IFT88: variants seen among roughly 807,000 people sequenced by gnomAD.
IFT88 encodes intraflagellar transport 88.
IFT88 carries 74 observed loss-of-function variants against 119.5 expected under a neutral mutation model. The ratio of observed to expected loss-of-function variants is 0.62; its 90% confidence interval spans 0.51 to 0.75. IFT88 has a LOEUF of 0.75. Among genes scored for constraint, IFT88 ranks in the 30% least tolerant of loss-of-function variants. IFT88 has a pLI of 0.00. For missense variants in IFT88, 961 were observed against 977.7 expected, an observed-to-expected ratio of 0.98 and a Z score of 0.23; for synonymous variants, 279 against 316.7, an observed-to-expected ratio of 0.88 and a Z score of 1.26.
chr13:20,677,958 G>A (rs1048682477), intron 24 of IFT88, among the ~76,000 whole-genome samples: 1 of 152,090 alleles, frequency 6.6e-6, no homozygotes, highest in African/African-American at 2.4e-5. Flanking sequence ...AAACTAATAG[G>A]GGCAGTTGAT....
At chr13:20,587,252 TGC>T (rs906236884) in intron 3 of IFT88, among the ~76,000 whole-genome samples, 24 of 149,424 alleles carry the variant, frequency 1.6e-4, no homozygotes, top group African/African-American at 5.8e-4. Context: ...GTTTGCCTAC[TGC>T]TTTTTTTTTT....
intron 3 of IFT88, among the ~76,000 whole-genome samples, chr13:20,585,332 C>A (rs2039469892): frequency 6.6e-6 from 1 of 152,170 alleles, no homozygotes; most frequent in Non-Finnish European, 1.5e-5. Flanking sequence ...ACAGTTTAAT[C>A]ATGGGAAAGA....
chr13:20,610,208 T>C (rs1456736614), intron 13 of IFT88, among the ~76,000 whole-genome samples: 1 of 151,946 alleles, frequency 6.6e-6, no homozygotes, highest in Admixed American at 6.6e-5. Context: ...GAGAGGTGAC[T>C]GGCCCCCCAC....
intron 3 of IFT88, 30 bp downstream of exon 3, chr13:20,583,049 G>A: frequency 7.3e-7 from 1 of 1,374,244 alleles, no homozygotes; most frequent in Non-Finnish European, 1.0e-6. Flanking sequence ...TTTAAATTGT[G>A]GTAAAAAATA....
At chr13:20,597,185 C>G (rs1346052749) in intron 9 of IFT88, 66 bp downstream of exon 9, 3 of 734,358 alleles carry the variant, frequency 4.1e-6, no homozygotes, top group South Asian at 4.5e-5. Context: ...GTTCCAGAGT[C>G]TTTTTTCTTT....
intron 23 of IFT88, among the ~76,000 whole-genome samples, chr13:20,664,806 A>G (rs559851180): frequency 1.5e-4 from 23 of 152,306 alleles, no homozygotes; most frequent in Middle Eastern, 3.4e-3. Context: ...GAGACTGGGC[A>G]CGGTGGCTCA....
chr13:20,626,686 G>T (rs1052182442), intron 15 of IFT88, among the ~76,000 whole-genome samples: 1 of 152,170 alleles, frequency 6.6e-6, no homozygotes, highest in African/African-American at 2.4e-5. Flanking sequence ...GCTTGGGTGG[G>T]GGGTAGAGTG....
At chr13:20,621,567 A>T (rs1424547877) in intron 14 of IFT88, among the ~76,000 whole-genome samples, 6 of 149,136 alleles carry the variant, frequency 4.0e-5, no homozygotes, top group Non-Finnish European at 6.0e-5. Flanking sequence ...AGACTTTTTT[A>T]AAAAAGTAAA....
At chr13:20,677,619 G>A (rs565372835) in intron 24 of IFT88, among the ~76,000 whole-genome samples, 60 of 152,230 alleles carry the variant, frequency 3.9e-4, no homozygotes, top group African/African-American at 1.4e-3. Context: ...GCCTCCTAAA[G>A]GTCCCAAAGT....
At chr13:20,568,244 T>C (rs371948561) in intron 1 of IFT88, among the ~76,000 whole-genome samples, 6 of 152,194 alleles carry the variant, frequency 3.9e-5, no homozygotes, top group African/African-American at 1.4e-4. Flanking sequence ...ATCCCCAGAT[T>C]ATTTCAACAT....
intron 22 of IFT88, among the ~76,000 whole-genome samples, chr13:20,659,239 A>G (rs547004173): frequency 6.6e-6 from 1 of 152,334 alleles, no homozygotes; most frequent in East Asian, 1.9e-4. Flanking sequence ...CATGTCTGTA[A>G]TCTCCACACT....
rs9509307 is a variant in IFT88, at chr13:20,631,053, G to A, written c.1337G>A (p.Ser446Asn). ...EILKVLEKKD[S>N]RVKSAAATNL... ...TTAAAAGTGTTGGAAAAAAAGGACA[G>A]TAGAGTGAAAAGTGCAGCTGCAACC... Residue 446 changes from serine (S) to asparagine (N), a missense_variant, in exon 16 of 26, where the codon AGT becomes AAT. Coordinates refer to ENST00000351808, the MANE Select transcript of IFT88 (RefSeq NM_006531.5). 0.74 allele frequency: 1,186,742 copies of A among 1,601,714 alleles called. 444,969 individuals are homozygous for A. Among genetic ancestry groups the A allele is most frequent in the East Asian group, 1 (44,705 of 44,818 alleles).
chr13:20,689,188 T>G (rs368234574), intron 24 of IFT88, among the ~76,000 whole-genome samples: 1 of 152,168 alleles, frequency 6.6e-6, no homozygotes, highest in East Asian at 1.9e-4. Flanking sequence ...TGCCTTGGCC[T>G]CCCAAAGTGC....
chr13:20,616,393 TA>T (rs2045612608), intron 14 of IFT88, among the ~76,000 whole-genome samples: 1 of 152,234 alleles, frequency 6.6e-6, no homozygotes, highest in African/African-American at 2.4e-5. Flanking sequence ...CATGACATTT[TA>T]AAAATCTTTT....
intron 14 of IFT88, 91 bp downstream of exon 14, chr13:20,615,970 G>A: frequency 3.3e-6 from 2 of 602,950 alleles, no homozygotes; most frequent in Non-Finnish European, 2.7e-6. Context: ...TTAGAAAAGT[G>A]GATATGAATG....
chr13:20,605,117 A>AATAATGT lies in IFT88; in HGVS notation c.1112+13_1112+14insTAATGTA. On this transcript the variant is annotated intron_variant, in intron 13 of 25. Transcript: ENST00000351808. The stretch of plus-strand genomic sequence containing the variant: ...ATGGAACGTGAAAGGTAATATTTTA[A>AATAATGT]ACTTAATAACGTAGTTATTAATTAC... 1 of 1,205,958 alleles carries AATAATGT rather than the reference A, an allele frequency of 8.3e-7. No individual in the cohort carries two copies. The highest frequency in any genetic ancestry group is 1.2e-6 in the Non-Finnish European group (1 of 830,432). 74.7% of individuals were successfully genotyped at this position (1,205,958 alleles called of 1,614,324 possible).
chr13:20,626,434 A>G (rs1217098595), intron 15 of IFT88, among the ~76,000 whole-genome samples: 1 of 152,128 alleles, frequency 6.6e-6, no homozygotes, highest in Non-Finnish European at 1.5e-5. Flanking sequence ...TATTCCGGAG[A>G]TTAACTTTCC....
chr13:20,567,977 AT>A, intron 1 of IFT88: 1 of 712,604 alleles, frequency 1.4e-6, no homozygotes, highest in East Asian at 2.7e-5. Context: ...TGGGCCACAC[AT>A]GAAATTCACA....
chr13:20,622,192 G>A (rs183568639), intron 14 of IFT88, among the ~76,000 whole-genome samples: 1 of 152,180 alleles, frequency 6.6e-6, no homozygotes, highest in East Asian at 1.9e-4. Flanking sequence ...TTATGTCTGT[G>A]CTCAAAAAGT....
Sources: allele counts gnomAD v4.1 joint callset (sites outside exome capture counted in the v4.1 genomes callset), GRCh38; gene constraint gnomAD v4.1.1; transcripts MANE v1.5; gene names NCBI Gene and HGNC (gene_info 2026-07-23, HGNC 2026-07-21).